LRRIQ3: variants seen among roughly 807,000 people sequenced by gnomAD.
The protein encoded by LRRIQ3 is leucine-rich repeat and IQ domain-containing protein 3.
In LRRIQ3, 75 loss-of-function variants were observed where a neutral mutation model predicts 59.3. The ratio of observed to expected loss-of-function variants is 1.26; its 90% CI spans 1.05 to 1.53. The LOEUF (loss-of-function observed/expected upper bound fraction) is 1.53, where lower values mean the gene tolerates loss of function less well. Among genes scored for constraint, LRRIQ3 ranks in the 40% most tolerant of loss-of-function variants. The pLI is 0.00. For synonymous variants in LRRIQ3, 250 were observed against 231.3 expected (o/e 1.08, Z -0.73); for missense variants, 831 against 710.0 (o/e 1.17, Z -1.94).
At chr1:74,066,952 G>A (rs1346832996) in intron 6 of LRRIQ3, among the ~76,000 whole-genome samples, 12 of 152,094 alleles carry the variant, frequency 7.9e-5, no homozygotes, top group Admixed American at 7.9e-4. Flanking sequence ...CACTTACTTT[G>A]AGTCAGAATT....
intron 6 of LRRIQ3, among the ~76,000 whole-genome samples, chr1:74,057,529 C>T (rs907102367): frequency 6.6e-6 from 1 of 152,040 alleles, no homozygotes; most frequent in Non-Finnish European, 1.5e-5. Flanking sequence ...GTGCTGCAAA[C>T]ACTAAATATT....
intron 5 of LRRIQ3, among the ~76,000 whole-genome samples, chr1:74,102,582 A>G (rs1646551770): frequency 6.6e-6 from 1 of 152,046 alleles, no homozygotes; most frequent in African/African-American, 2.4e-5. Flanking sequence ...AAGAATTAAA[A>G]TTAGAACTAT....
chr1:74,188,793 G>T (rs1338305929), intron 1 of LRRIQ3, among the ~76,000 whole-genome samples: 3 of 152,038 alleles, frequency 2.0e-5, no homozygotes, highest in Non-Finnish European at 2.9e-5. Context: ...AGCAAACTAT[G>T]GGGAAGGAAC....
intron 4 of LRRIQ3, among the ~76,000 whole-genome samples, chr1:74,124,902 AT>A (rs1286153907): frequency 6.6e-6 from 1 of 151,912 alleles, no homozygotes; most frequent in Non-Finnish European, 1.5e-5. Context: ...GAAGAATGTC[AT>A]TGATATTTTG....
chr1:74,060,197 C>G (rs909207415), intron 6 of LRRIQ3, among the ~76,000 whole-genome samples: 2 of 60,950 alleles, frequency 3.3e-5, no homozygotes, highest in Non-Finnish European at 7.6e-5. Context: ...TTTTCTTCTT[C>G]TTCTTCTTCT....
rs148366515 is a variant in LRRIQ3, at chr1:74,145,240, C to T, written c.707+10493G>A. 4.3e-3 allele frequency among the ~76,000 whole-genome samples: 662 copies of T among 152,204 alleles called. 2 individuals are homozygous for T. Among genetic ancestry groups the T allele is most frequent in the Non-Finnish European group, 6.0e-3 (405 of 67,990 alleles). ...TCCCTGGATTTTTACTTGTCAGGGA[C>T]AATCCAAATGCACAAGGACAACAAA... On this transcript the variant is annotated intron_variant, in intron 4 of 7. Coordinates refer to ENST00000354431, the MANE Select transcript of LRRIQ3 (RefSeq NM_001105659.2).
intron 6 of LRRIQ3, among the ~76,000 whole-genome samples, chr1:74,050,173 C>T (rs758136188): frequency 2.0e-5 from 3 of 152,022 alleles, no homozygotes; most frequent in South Asian, 4.1e-4. Context: ...CTGCCCACCT[C>T]GGCCTCCCAA....
chr1:74,137,892 A>G (rs368349066), intron 4 of LRRIQ3, among the ~76,000 whole-genome samples: 1 of 143,578 alleles, frequency 7.0e-6, no homozygotes, highest in South Asian at 2.5e-4. Context: ...GAGTTGAACA[A>G]TGAGAACACA....
chr1:74,171,477 T>C (rs981596313), intron 3 of LRRIQ3, among the ~76,000 whole-genome samples: 2 of 152,226 alleles, frequency 1.3e-5, no homozygotes, highest in African/African-American at 4.8e-5. Flanking sequence ...GAACCATCCA[T>C]GGCTCCCAGA....
intron 6 of LRRIQ3, among the ~76,000 whole-genome samples, chr1:74,049,008 G>A (rs566623611): frequency 4.0e-4 from 61 of 152,272 alleles, no homozygotes; most frequent in African/African-American, 1.5e-3. Context: ...TAATTAGATT[G>A]GGTGGATAGG....
chr1:74,181,146 T>G, intron 3 of LRRIQ3: 1 of 217,646 alleles, frequency 4.6e-6, no homozygotes, highest in East Asian at 1.2e-4. Flanking sequence ...CCTACCACAA[T>G]GGCATTCACT....
chr1:74,138,185 A>T (rs1482769916), intron 4 of LRRIQ3, among the ~76,000 whole-genome samples: 2 of 151,782 alleles, frequency 1.3e-5, no homozygotes, highest in Non-Finnish European at 2.9e-5. Flanking sequence ...ACAAAAAAAC[A>T]AGGCCCTGAC....
At chr1:74,094,876 G>A (rs140378736) in intron 5 of LRRIQ3, among the ~76,000 whole-genome samples, 184 of 152,060 alleles carry the variant, frequency 1.2e-3, no homozygotes, top group African/African-American at 4.4e-3. Flanking sequence ...TTTTGGAAAA[G>A]GTACAGGCAA....
At chr1:74,098,881 A>C (rs1177937064) in intron 5 of LRRIQ3, among the ~76,000 whole-genome samples, 1 of 152,188 alleles carries the variant, frequency 6.6e-6, no homozygotes, top group African/African-American at 2.4e-5. Context: ...AACATACCAG[A>C]ATCTCTGGGA....
chr1:74,175,438 C>T (rs1212969748), intron 3 of LRRIQ3, among the ~76,000 whole-genome samples: 1 of 152,126 alleles, frequency 6.6e-6, no homozygotes, highest in Admixed American at 6.6e-5. Flanking sequence ...TCTCAGGCAA[C>T]ACCCTGAAAT....
chr1:74,033,261 G>T (rs1328938021), intron 7 of LRRIQ3, among the ~76,000 whole-genome samples: 1 of 151,978 alleles, frequency 6.6e-6, no homozygotes, highest in Admixed American at 6.6e-5. Context: ...TGTTCCAAGG[G>T]TTGTAAGGAA....
chr1:74,073,108 A>G (rs528994713), intron 6 of LRRIQ3, among the ~76,000 whole-genome samples: 2 of 152,240 alleles, frequency 1.3e-5, no homozygotes, highest in African/African-American at 4.8e-5. Flanking sequence ...ATTCACTCTT[A>G]ACCTTCTCCA....
chr1:74,045,447 G>A (rs1179574975), intron 6 of LRRIQ3, among the ~76,000 whole-genome samples: 1 of 152,132 alleles, frequency 6.6e-6, no homozygotes, highest in African/African-American at 2.4e-5. Context: ...ACTAGGCATT[G>A]ATGGAACGTA....
At chr1:74,138,204 A>T (rs1647160939) in intron 4 of LRRIQ3, among the ~76,000 whole-genome samples, 1 of 151,858 alleles carries the variant, frequency 6.6e-6, no homozygotes, top group African/African-American at 2.4e-5. Context: ...ACTTCATTTC[A>T]TGGTAATGTG....
Sources: allele counts gnomAD v4.1 joint callset (sites outside exome capture counted in the v4.1 genomes callset), GRCh38; gene constraint gnomAD v4.1.1; transcripts MANE v1.5; gene names NCBI Gene and HGNC (gene_info 2026-07-23, HGNC 2026-07-21).